HAO1: variants seen among roughly 807,000 people sequenced by gnomAD.
HAO1 encodes the protein 2-Hydroxyacid oxidase 1.
In HAO1, 34 loss-of-function variants were observed where a neutral mutation model predicts 39.7. That is an observed-to-expected ratio of 0.86 (90% CI 0.65 to 1.14). The LOEUF (loss-of-function observed/expected upper bound fraction) is 1.14. HAO1 is among the 50% of genes most tolerant of loss of function. The pLI, the probability that HAO1 is intolerant of heterozygous loss-of-function variation, is 0.00. For missense variants in HAO1, 479 were observed against 464.5 expected (o/e 1.03, Z -0.29); for synonymous variants, 172 against 173.2 (o/e 0.99, Z 0.05).
intron 2 of HAO1, among the ~76,000 whole-genome samples, chr20:7,916,405 G>A (rs1428899183): frequency 6.6e-6 from 1 of 152,154 alleles, no homozygotes; most frequent in Non-Finnish European, 1.5e-5. Context: ...ACACTCACAG[G>A]ATGTTGATAG....
chr20:7,904,532 A>G (rs972648826), intron 4 of HAO1, among the ~76,000 whole-genome samples: 1 of 152,190 alleles, frequency 6.6e-6, no homozygotes, highest in Non-Finnish European at 1.5e-5. Flanking sequence ...TATCATGGCA[A>G]AACTCAAGCA....
chr20:7,883,837 C>A (rs2050139122), intron 7 of HAO1, among the ~76,000 whole-genome samples, 174 bp from the exon 8 acceptor site: 1 of 152,176 alleles, frequency 6.6e-6, no homozygotes, highest in South Asian at 2.1e-4. Flanking sequence ...GTCCTTAACA[C>A]AAAATGACTG....
At chr20:7,924,775 T>A (rs1341854172) in intron 2 of HAO1, among the ~76,000 whole-genome samples, 1 of 152,170 alleles carries the variant, frequency 6.6e-6, no homozygotes, top group Non-Finnish European at 1.5e-5. Flanking sequence ...AAGTGTAATA[T>A]GTTCAAAGGG....
At chr20:7,937,328 G>A (rs1385396528) in intron 1 of HAO1, among the ~76,000 whole-genome samples, 1 of 151,796 alleles carries the variant, frequency 6.6e-6, no homozygotes, top group Non-Finnish European at 1.5e-5. Flanking sequence ...CTATAATACT[G>A]CATTCCAATT....
chr20:7,908,765 T>C (rs910943549), intron 3 of HAO1, among the ~76,000 whole-genome samples: 1 of 152,192 alleles, frequency 6.6e-6, no homozygotes, highest in African/African-American at 2.4e-5. Flanking sequence ...GTCTTTCTTT[T>C]TATTTAAATC....
chr20:7,937,804 T>C lies in HAO1; in HGVS notation c.137+2482A>G, dbSNP rs545369644. Reference sequence around the variant, plus strand: ...GTAGCAAGTTGACATTTACCCTGTTTTGTTATAACCACCGTAAGAAATTTT... The same window carrying C: ...GTAGCAAGTTGACATTTACCCTGTTCTGTTATAACCACCGTAAGAAATTTT... On this transcript the variant is annotated intron_variant, in intron 1 of 7. Transcript: ENST00000378789. Among the ~76,000 whole-genome samples, 3 of 152,314 alleles carry C rather than the reference T, an allele frequency of 2.0e-5. No homozygotes were observed. In the South Asian group the frequency reaches 6.2e-4, roughly 32 times the overall value.
At chr20:7,926,458 G>A (rs188190673) in intron 2 of HAO1, among the ~76,000 whole-genome samples, 255 of 152,168 alleles carry the variant, frequency 1.7e-3, no homozygotes, top group Non-Finnish European at 2.7e-3. Flanking sequence ...CTAGTCGGTC[G>A]CCTAGCACAA....
chr20:7,936,545 TGTTCGCGCGCGCG>T lies in HAO1; in HGVS notation c.138-1923_138-1911del, dbSNP rs1568522189. Among the ~76,000 whole-genome samples, 6 of 144,896 alleles carry T rather than the reference TGTTCGCGCGCGCG, an allele frequency of 4.1e-5. No individual in the cohort carries two copies. The East Asian group carries it at 1.3e-3, about 32-fold the overall frequency. On this transcript the variant is annotated intron_variant, in intron 1 of 7. Transcript: ENST00000378789. Reference sequence around the variant, plus strand: ...GTGTGTGTGTGTGTGTGTGTGTGTGTGTTCGCGCGCGCGCGCGCGCGTGCGTGCCAAAAGGGAC... The same window carrying T: ...GTGTGTGTGTGTGTGTGTGTGTGTGTCGCGCGCGTGCGTGCCAAAAGGGAC...
intron 4 of HAO1, among the ~76,000 whole-genome samples, chr20:7,895,827 C>T (rs561243320): frequency 7.7e-4 from 117 of 152,254 alleles, no homozygotes; most frequent in Non-Finnish European, 1.3e-3. Context: ...GCGGGCAGAT[C>T]ACGAGGTCAG....
At chr20:7,917,420 A>C (rs571091171) in intron 2 of HAO1, among the ~76,000 whole-genome samples, 1 of 151,950 alleles carries the variant, frequency 6.6e-6, no homozygotes, top group South Asian at 2.1e-4. Context: ...AGGAGAACTC[A>C]GCATGGCTGA....
intron 4 of HAO1, among the ~76,000 whole-genome samples, 195 bp from the exon 5 acceptor site, chr20:7,895,419 A>C (rs1340378883): frequency 1.3e-5 from 2 of 151,504 alleles, no homozygotes; most frequent in Non-Finnish European, 2.9e-5. Context: ...AACAACAAAA[A>C]AATGTTACTA....
intron 1 of HAO1, 37 bp from the exon 2 acceptor site, chr20:7,934,672 GA>G: frequency 7.4e-7 from 1 of 1,359,988 alleles, no homozygotes; most frequent in Non-Finnish European, 9.9e-7. Flanking sequence ...AAAGGCTTTA[GA>G]GTTTCAGAAT....
intron 3 of HAO1, among the ~76,000 whole-genome samples, chr20:7,907,220 C>A (rs903577901): frequency 1.1e-4 from 16 of 152,170 alleles, no homozygotes; most frequent in Non-Finnish European, 2.1e-4. Context: ...ATCTTCCAGA[C>A]AAGTTTGACA....
At chr20:7,918,625 A>G (rs1272475317) in intron 2 of HAO1, among the ~76,000 whole-genome samples, 1 of 152,184 alleles carries the variant, frequency 6.6e-6, no homozygotes, top group Non-Finnish European at 1.5e-5. Flanking sequence ...AGCGGGGGGC[A>G]TCCACCCTGT....
In HAO1 at chr20:7,885,466, C is replaced by A. The variant is rs749501767; in HGVS notation, c.1042+55G>T. The A allele has an allele frequency of 1.3e-5, 15 of 1,137,218 alleles. No homozygotes were observed. In the Admixed American group the frequency reaches 2.4e-4, roughly 18 times the overall value. 70.4% of individuals were successfully genotyped at this position (1,137,218 alleles called of 1,614,324 possible). ...CAAATTCACTTCTCTCCACCAAGGACCTTGACTTAAAGATCATAAAAGAAA... is the reference window on the plus strand; with the variant it reads ...CAAATTCACTTCTCTCCACCAAGGAACTTGACTTAAAGATCATAAAAGAAA... On this transcript the variant is annotated intron_variant, in intron 7 of 7. Coordinates refer to ENST00000378789, the MANE Select transcript of HAO1 (RefSeq NM_017545.3).
intron 5 of HAO1, among the ~76,000 whole-genome samples, chr20:7,887,252 A>C (rs977739796): frequency 6.6e-6 from 1 of 152,202 alleles, no homozygotes; most frequent in African/African-American, 2.4e-5. Flanking sequence ...CCAAAATGTA[A>C]AAATCTAAAT....
intron 2 of HAO1, among the ~76,000 whole-genome samples, chr20:7,917,088 C>T (rs1056987519): frequency 1.3e-5 from 2 of 152,032 alleles, no homozygotes; most frequent in African/African-American, 2.4e-5. Flanking sequence ...ATCTGTAATC[C>T]CAGCACTTTG....
intron 5 of HAO1, among the ~76,000 whole-genome samples, chr20:7,888,852 C>T (rs1314927909): frequency 6.6e-6 from 1 of 152,310 alleles, no homozygotes; most frequent in East Asian, 1.9e-4. Context: ...AAGCCTAGAT[C>T]TCAGGAGGCC....
intron 4 of HAO1, among the ~76,000 whole-genome samples, chr20:7,905,675 G>T (rs1003434356): frequency 2.6e-5 from 4 of 152,194 alleles, no homozygotes; most frequent in Non-Finnish European, 5.9e-5. Flanking sequence ...TCTCTTCAGA[G>T]AGGTGATGTG....
Sources: allele counts gnomAD v4.1 joint callset (sites outside exome capture counted in the v4.1 genomes callset), GRCh38; gene constraint gnomAD v4.1.1; transcripts MANE v1.5; gene names NCBI Gene and HGNC (gene_info 2026-07-23, HGNC 2026-07-21).